Variants in TXLNB observed in about 807,000 individuals in gnomAD.
TXLNB encodes beta-taxilin.
A neutral mutation model predicts 57.4 loss-of-function variants in TXLNB; 37 were observed. The observed-to-expected ratio is 0.64, with a 90% CI of 0.50 to 0.85. TXLNB has a LOEUF of 0.85. Among genes scored for constraint, TXLNB ranks in the 40% least tolerant of loss-of-function variants. The pLI, the probability that TXLNB is intolerant of heterozygous loss-of-function variation, is 0.00. For missense variants in TXLNB, 848 were observed against 825.6 expected (o/e 1.03, Z -0.33); for synonymous variants, 302 against 309.6 (o/e 0.98, Z 0.26).
the TXLNB span, among the ~76,000 whole-genome samples, chr6:139,192,466 A>C: frequency 6.6e-6 from 1 of 152,200 alleles, no homozygotes; most frequent in Non-Finnish European, 1.5e-5. Context: ...TCCCACTGAA[A>C]TCTAAGCCTG....
chr6:139,242,815 T>C lies in TXLNB; in HGVS notation c.1766A>G (p.Gln589Arg). Residue 589 changes from glutamine (Q) to arginine (R), a missense_variant, in exon 10 of 10, where the codon CAA (glutamine) becomes CGA (arginine). Physicochemically the swap from Gln to Arg is conservative, Grantham distance 43. Coordinates refer to ENST00000358430, the MANE Select transcript of TXLNB (RefSeq NM_153235.4). ...TGCTCCAACAGGGAGACCCTCGCAT[T>C]GGGTTTCTGCTCCCAACCCGGCAGG... ...NSPAGLGAET[Q>R]CEGLPVGAQA... 6.2e-7 allele frequency: 1 copy of C among 1,614,010 alleles called. No individual in the cohort carries two copies. Among genetic ancestry groups the C allele is most frequent in the Middle Eastern group, 1.6e-4 (1 of 6,062 alleles).
chr6:139,238,344 A>G (rs568987507), downstream of TXLNB, among the ~76,000 whole-genome samples: 1 of 152,312 alleles, frequency 6.6e-6, no homozygotes, highest in African/African-American at 2.4e-5. Context: ...CAGTAAGCCG[A>G]TATCACGCCA....
intron 2 of TXLNB, among the ~76,000 whole-genome samples, chr6:139,280,297 A>C (rs374013565): frequency 7.5e-4 from 114 of 151,932 alleles, no homozygotes; most frequent in African/African-American, 2.7e-3. Flanking sequence ...AGAAACAAAA[A>C]ACCTGAAATT....
At chr6:139,217,054 A>G in the TXLNB span, among the ~76,000 whole-genome samples, 1 of 151,882 alleles carries the variant, frequency 6.6e-6, no homozygotes, top group African/African-American at 2.4e-5. Flanking sequence ...TAGATAAGCT[A>G]CAATGCCTAT....
Position 139,270,581 on chromosome 6 carries a change from T to G in TXLNB, c.562A>C (p.Lys188Gln). 1 of 1,614,144 alleles carries G rather than the reference T, an allele frequency of 6.2e-7. No individual in the cohort carries two copies. Among genetic ancestry groups the G allele is most frequent in the Non-Finnish European group, 8.5e-7 (1 of 1,179,990 alleles). The change falls in exon 4 of 10, where the codon AAG becomes CAG. Residue 188 changes from lysine (K) to glutamine (Q), a missense_variant. Physicochemically the swap from Lys to Gln is moderately conservative, Grantham distance 53. Coordinates refer to ENST00000358430, the MANE Select transcript of TXLNB (RefSeq NM_153235.4). Reference sequence around the variant, plus strand: ...TCTTTTTGAATTTGTACCTGTTTCTTTTGGAGGAGCTTTAACTTCTTTTGC... The same window carrying G: ...TCTTTTTGAATTTGTACCTGTTTCTGTTGGAGGAGCTTTAACTTCTTTTGC... Reference protein sequence around the residue: ...TEQKKLKLLQKKQVQIQKEKD... With the variant: ...TEQKKLKLLQQKQVQIQKEKD...
downstream of TXLNB, among the ~76,000 whole-genome samples, chr6:139,235,798 C>A (rs1775830218): frequency 6.6e-6 from 1 of 152,168 alleles, no homozygotes; most frequent in African/African-American, 2.4e-5. Flanking sequence ...GCCCCCCCTT[C>A]CTGTGCCTAT....
chr6:139,255,517 G>T, intron 7 of TXLNB, 47 bp downstream of exon 7: 2 of 1,549,284 alleles, frequency 1.3e-6, no homozygotes, highest in East Asian at 2.2e-5. Flanking sequence ...CTTTTTATCT[G>T]GGGACAGTGA....
the TXLNB span, among the ~76,000 whole-genome samples, chr6:139,171,499 G>A: frequency 6.6e-6 from 1 of 152,218 alleles, no homozygotes; most frequent in African/African-American, 2.4e-5. Flanking sequence ...GTGAGGCCTT[G>A]ACCACATATC....
At chr6:139,160,223 AAT>A in the TXLNB span, among the ~76,000 whole-genome samples, 1 of 152,184 alleles carries the variant, frequency 6.6e-6, no homozygotes, top group Non-Finnish European at 1.5e-5. Context: ...ATGAACCTAA[AAT>A]ACAGGCCTTG....
chr6:139,160,240 GTTTATATACTT>G, the TXLNB span, among the ~76,000 whole-genome samples: 4 of 152,150 alleles, frequency 2.6e-5, no homozygotes, highest in African/African-American at 9.7e-5. Flanking sequence ...GCCTTGGAAG[GTTTATATACTT>G]TTTTAAACAA....
chr6:139,212,852 T>TG, the TXLNB span, among the ~76,000 whole-genome samples: 4 of 152,078 alleles, frequency 2.6e-5, no homozygotes, highest in Non-Finnish European at 5.9e-5. Flanking sequence ...AAACAGACTC[T>TG]AAACCAACAA....
In TXLNB at chr6:139,283,152, C is replaced by T. The variant is rs1261037707; in HGVS notation, c.424+5324G>A. 2 of 144,192 alleles carry T rather than the reference C, an allele frequency of 1.4e-5. 1 individual carries two copies. The highest frequency in any genetic ancestry group is 5.1e-5 in the African/African-American group (2 of 38,992). 8.9% of individuals were successfully genotyped at this position (144,192 alleles called of 1,614,324 possible). ...CCCACGAGAGAGATTTTTAAATATTCCCCCAACTGCTCCGGTAAGTACTGC... is the reference window on the plus strand; with the variant it reads ...CCCACGAGAGAGATTTTTAAATATTTCCCCAACTGCTCCGGTAAGTACTGC... On this transcript the variant is annotated intron_variant, in intron 2 of 9. Coordinates refer to ENST00000358430, the MANE Select transcript of TXLNB (RefSeq NM_153235.4).
the TXLNB span, among the ~76,000 whole-genome samples, chr6:139,189,718 C>T: frequency 7.9e-5 from 12 of 152,134 alleles, no homozygotes; most frequent in South Asian, 8.3e-4. Context: ...TGGAGGTTTG[C>T]GGGGAGAGAG....
chr6:139,301,681 G>C, the TXLNB span, among the ~76,000 whole-genome samples: 26 of 152,228 alleles, frequency 1.7e-4, no homozygotes, highest in African/African-American at 6.3e-4. Context: ...CACAGAATGG[G>C]GCAACAAGCC....
intron 4 of TXLNB, among the ~76,000 whole-genome samples, chr6:139,264,323 G>C (rs994747205): frequency 6.6e-6 from 1 of 152,024 alleles, no homozygotes; most frequent in Non-Finnish European, 1.5e-5. Context: ...TTTGGAATCA[G>C]AACTACAGAC....
At chr6:139,167,015 G>A in the TXLNB span, 1 of 1,614,150 alleles carries the variant, frequency 6.2e-7, no homozygotes, top group Non-Finnish European at 8.5e-7. Flanking sequence ...TCACAGGGGG[G>A]GACACTTCGA....
intron 4 of TXLNB, among the ~76,000 whole-genome samples, chr6:139,269,469 C>T (rs1157118232): frequency 3.3e-5 from 5 of 152,178 alleles, no homozygotes; most frequent in Non-Finnish European, 4.4e-5. Flanking sequence ...GTTGACAAGA[C>T]GCCAGTAGCA....
At chr6:139,164,080 A>ACTCTCT in the TXLNB span, among the ~76,000 whole-genome samples, 814 of 148,138 alleles carry the variant, frequency 5.5e-3, 4 homozygotes, top group Non-Finnish European at 5.6e-3. Context: ...ACACACACAC[A>ACTCTCT]CTCTCTCTCT....
chr6:139,204,850 C>T, the TXLNB span, among the ~76,000 whole-genome samples: 2 of 152,148 alleles, frequency 1.3e-5, no homozygotes, highest in Admixed American at 6.5e-5. Context: ...CTATTCTCCA[C>T]TCCCCTTGTA....
Sources: allele counts gnomAD v4.1 joint callset (sites outside exome capture counted in the v4.1 genomes callset), GRCh38; gene constraint gnomAD v4.1.1; transcripts MANE v1.5; gene names NCBI Gene and HGNC (gene_info 2026-07-23, HGNC 2026-07-21).